The following PALM variants were observed in gnomAD, a reference collection of about 807,000 sequenced individuals.
PALM encodes the protein paralemmin-1.
A neutral mutation model predicts 30.7 loss-of-function variants in PALM; 18 were observed. The observed-to-expected ratio is 0.59, with a 90% CI of 0.41 to 0.87. PALM has a LOEUF of 0.87. Ranked by LOEUF, PALM falls within the 40% of genes least tolerant of loss-of-function variation. The pLI is 0.00. For synonymous variants in PALM, 286 were observed against 242.8 expected (o/e 1.18, Z -1.66); for missense variants, 529 against 555.4 (o/e 0.95, Z 0.48).
intron 5 of PALM, among the ~76,000 whole-genome samples, chr19:732,874 G>A (rs1255770366): frequency 6.6e-6 from 1 of 151,822 alleles, no homozygotes; most frequent in African/African-American, 2.4e-5. Flanking sequence ...CAGGCGACCT[G>A]GAGGATGTGG....
intron 1 of PALM, among the ~76,000 whole-genome samples, chr19:721,086 G>A (rs567566436): frequency 6.6e-6 from 1 of 152,296 alleles, no homozygotes; most frequent in African/African-American, 2.4e-5. Context: ...AGAAGGTGCC[G>A]GGCAGGGGGA....
At chr19:726,778 C>G (rs111471834) in intron 2 of PALM, among the ~76,000 whole-genome samples, 142 of 152,352 alleles carry the variant, frequency 9.3e-4, no homozygotes, top group African/African-American at 3.3e-3. Flanking sequence ...GCTGGGATTA[C>G]AGGCGTGAGC....
At chr19:741,082 T>G (rs914137788) in intron 8 of PALM, among the ~76,000 whole-genome samples, 10 of 151,896 alleles carry the variant, frequency 6.6e-5, no homozygotes, top group Admixed American at 6.6e-4. Flanking sequence ...GAGGCTGTAG[T>G]GAGCCGTGAT....
chr19:731,644 C>T (rs145324387), intron 5 of PALM, among the ~76,000 whole-genome samples: 5 of 152,096 alleles, frequency 3.3e-5, no homozygotes, highest in African/African-American at 9.6e-5. Context: ...GCAGGAGACC[C>T]GGTGCTGGTG....
chr19:738,699 T>G (rs2033097170), intron 7 of PALM, among the ~76,000 whole-genome samples: 2 of 151,968 alleles, frequency 1.3e-5, no homozygotes, highest in Admixed American at 1.3e-4. Flanking sequence ...TGCGGGAGAT[T>G]AGAGCCGAGT....
Position 719,608 on chromosome 19 carries a change from C to G in PALM, c.6-6530C>G. The G allele has an allele frequency of 1.1e-5, 11 of 986,622 alleles. No individual in the cohort carries two copies. In the South Asian group the frequency reaches 1.4e-4, roughly 13 times the overall value. 61.1% of individuals were successfully genotyped at this position (986,622 alleles called of 1,614,324 possible). On this transcript the variant is annotated intron_variant, in intron 1 of 8. Coordinates refer to ENST00000338448, the MANE Select transcript of PALM (RefSeq NM_002579.3). ...CCAGCAGCACCAGGACCGCCGCCGC[C>G]CTGAGCTTTTCCACGCCTTTGCCCG...
chr19:715,101 T>G (rs2032214521), intron 1 of PALM, among the ~76,000 whole-genome samples: 1 of 152,138 alleles, frequency 6.6e-6, no homozygotes, highest in Non-Finnish European at 1.5e-5. Flanking sequence ...CCATCTCTAC[T>G]AAAAATACAA....
chr19:720,467 C>T (rs1395907512), intron 1 of PALM, among the ~76,000 whole-genome samples: 2 of 116,378 alleles, frequency 1.7e-5, no homozygotes, highest in Admixed American at 1.8e-4. Context: ...CCTGCGTGTC[C>T]TGGGGAAAGG....
At chr19:721,948 T>G (rs181653283) in intron 1 of PALM, among the ~76,000 whole-genome samples, 1 of 150,100 alleles carries the variant, frequency 6.7e-6, no homozygotes, top group Non-Finnish European at 1.5e-5. Flanking sequence ...AGACGGAGTC[T>G]CGCTCTGTCG....
At chr19:727,275 C>A (rs1418320171) in intron 3 of PALM, among the ~76,000 whole-genome samples, 187 bp downstream of exon 3, 3 of 110,228 alleles carry the variant, frequency 2.7e-5, no homozygotes, top group Non-Finnish European at 5.6e-5. Context: ...CTGACCCCGA[C>A]CCTGACCCCA....
Position 741,895 on chromosome 19 carries a change from G to A in PALM, c.634+1412G>A, listed in dbSNP as rs928471889. 2.0e-5 allele frequency among the ~76,000 whole-genome samples: 3 copies of A among 152,088 alleles called. No individual in the cohort carries two copies. The South Asian group carries it at 6.3e-4, about 32-fold the overall frequency. On this transcript the variant is annotated intron_variant, in intron 8 of 8. Transcript: ENST00000338448. The stretch of plus-strand genomic sequence containing the variant: ...AGAGTTTCACTCTGTCGCCCGGCCC[G>A]CAGTGCAGCGATGCCATCACAGCTC...
chr19:712,837 A>G lies in PALM; in HGVS notation c.5+3686A>G, dbSNP rs549968766. 9.2e-5 allele frequency among the ~76,000 whole-genome samples: 14 copies of G among 151,854 alleles called. No homozygotes were observed. The East Asian group carries it at 1.4e-3, about 15-fold the overall frequency. The stretch of plus-strand genomic sequence containing the variant: ...ATTACAGGTGCCTGCCACCACGCCC[A>G]GCTAATTTTTGTATTTTTAGTAGAG... On this transcript the variant is annotated intron_variant, in intron 1 of 8. Coordinates refer to ENST00000338448, the MANE Select transcript of PALM (RefSeq NM_002579.3).
At chr19:723,061 GA>G (rs1335573144) in intron 1 of PALM, among the ~76,000 whole-genome samples, 2 of 152,122 alleles carry the variant, frequency 1.3e-5, no homozygotes, top group African/African-American at 4.8e-5. Context: ...TCTTGACCCG[GA>G]GCAGCCTCCC....
At chr19:719,575 T>C (rs573820364) in intron 1 of PALM, 2 of 986,466 alleles carry the variant, frequency 2.0e-6, no homozygotes, top group Non-Finnish European at 2.4e-6. Context: ...GCACCTGCCC[T>C]GGGACCCCCA....
Position 746,230 on chromosome 19 carries a change from C to T in PALM, c.635-55C>T, listed in dbSNP as rs2033333352. 2.0e-6 allele frequency: 3 copies of T among 1,470,042 alleles called. No individual in the cohort carries two copies. The highest frequency in any genetic ancestry group is 2.8e-6 in the Non-Finnish European group (3 of 1,063,570). 91.1% of individuals were successfully genotyped at this position (1,470,042 alleles called of 1,614,324 possible). On this transcript the variant is annotated intron_variant, in intron 8 of 8. Transcript: ENST00000338448. This position sits in a 1 kb window ranked among gnomAD's most constrained non-coding sequence, Gnocchi z 7.1. ...TCCCTCCTGCCTGAGCCAGGTCACT[C>T]TCTCTGTCCCTCCTGCCTGGAGCTG...
chr19:721,167 G>A (rs1332525561), intron 1 of PALM, among the ~76,000 whole-genome samples: 1 of 152,168 alleles, frequency 6.6e-6, no homozygotes, highest in Non-Finnish European at 1.5e-5. Context: ...GTAGACCAAC[G>A]GGGGAAGTGA....
intron 1 of PALM, among the ~76,000 whole-genome samples, chr19:715,879 G>A (rs1209681878): frequency 6.6e-6 from 1 of 152,154 alleles, no homozygotes; most frequent in Admixed American, 6.5e-5. Flanking sequence ...ACAGGGACGG[G>A]GCTCCCTGGC....
chr19:736,819 C>T (rs746832246), intron 7 of PALM, among the ~76,000 whole-genome samples: 2 of 152,082 alleles, frequency 1.3e-5, no homozygotes, highest in African/African-American at 2.4e-5. Context: ...TTTGGGAGGC[C>T]GAGGCGGGCA....
At chr19:726,021 G>A in intron 1 of PALM, 117 bp from the exon 2 acceptor site, 1 of 788,112 alleles carries the variant, frequency 1.3e-6, no homozygotes, top group Non-Finnish European at 2.2e-6. Context: ...GGGGTTCAGA[G>A]ATGAAATCCC....
Sources: allele counts gnomAD v4.1 joint callset (sites outside exome capture counted in the v4.1 genomes callset), GRCh38; gene constraint gnomAD v4.1.1; non-coding constraint Gnocchi (gnomAD v3.1); transcripts MANE v1.5; gene names NCBI Gene and HGNC (gene_info 2026-07-23, HGNC 2026-07-21).